The following MTUS1 variants were observed in gnomAD, a reference collection of about 807,000 sequenced individuals.
MTUS1 encodes the protein microtubule-associated tumor suppressor 1.
In MTUS1, 109 loss-of-function variants were observed where a neutral mutation model predicts 120.8. That is an observed-to-expected ratio of 0.90 (90% CI 0.77 to 1.06). The LOEUF is 1.06. MTUS1 is among the 50% of genes least tolerant of loss of function. The pLI, the probability that MTUS1 is intolerant of heterozygous loss-of-function variation, is 0.00. For synonymous variants in MTUS1, 737 were observed against 550.5 expected (o/e 1.34, Z -4.74); for missense variants, 2,210 against 1,486.3 (o/e 1.49, Z -8.01).
At chr8:17,722,200 T>C (rs991170152) in intron 4 of MTUS1, 193 of 1,033,858 alleles carry the variant, frequency 1.9e-4, no homozygotes, top group South Asian at 9.3e-4. Flanking sequence ...ACAGCCTCCT[T>C]AGGAGCATCA....
rs531142336 is a variant in MTUS1 at position 17,649,232 on chromosome 8, T to A, written c.3501+614A>T. Among the ~76,000 whole-genome samples the A allele has an allele frequency of 4.6e-5, 7 of 152,200 alleles. No individual in the cohort carries two copies. The East Asian group carries it at 1.4e-3, about 29-fold the overall frequency. ...CCACCACACCCGGCTAAGTTTTATA[T>A]TTTTAGTAGAGACAGGGTTTCACCA... On this transcript the variant is annotated intron_variant, in intron 13 of 14. Coordinates refer to ENST00000693296, the MANE Select transcript of MTUS1 (RefSeq NM_001363059.2).
At chr8:17,721,661 A>T in intron 4 of MTUS1, 1 of 1,514,102 alleles carries the variant, frequency 6.6e-7, no homozygotes, top group Non-Finnish European at 8.8e-7. Flanking sequence ...TTTATTGAAT[A>T]AAAATTTAAG....
chr8:17,703,894 T>A (rs965886421), intron 6 of MTUS1: 4 of 152,210 alleles, frequency 2.6e-5, no homozygotes, highest in Non-Finnish European at 5.9e-5. Flanking sequence ...TTTTTCCCTT[T>A]GAGGCATGTG....
intron 1 of MTUS1, among the ~76,000 whole-genome samples, chr8:17,767,358 T>C (rs2049603120): frequency 6.6e-6 from 1 of 151,752 alleles, no homozygotes; most frequent in Non-Finnish European, 1.5e-5. Flanking sequence ...TTTTTCCATG[T>C]GGTGATTAAA....
At chr8:17,749,294 C>T (rs2048006499) in intron 2 of MTUS1, among the ~76,000 whole-genome samples, 1 of 152,146 alleles carries the variant, frequency 6.6e-6, no homozygotes. Flanking sequence ...GTTTCCACAG[C>T]TCCTTATCTT....
chr8:17,697,422 A>T (rs764339516), intron 6 of MTUS1: 1 of 1,610,708 alleles, frequency 6.2e-7, no homozygotes, highest in Non-Finnish European at 8.5e-7. Context: ...GGCAATTTCC[A>T]TGGACTGTCA....
intron 1 of MTUS1, among the ~76,000 whole-genome samples, chr8:17,765,037 C>CA (rs1314794348): frequency 6.6e-6 from 1 of 152,178 alleles, no homozygotes; most frequent in Non-Finnish European, 1.5e-5. Flanking sequence ...TAGACAGTCC[C>CA]ATCTGGAAGT....
intron 1 of MTUS1, among the ~76,000 whole-genome samples, chr8:17,762,241 C>T (rs1396667694): frequency 3.3e-5 from 5 of 152,080 alleles, no homozygotes; most frequent in Admixed American, 2.0e-4. Context: ...ATCACACCAC[C>T]ACACTCCAGC....
intron 3 of MTUS1, among the ~76,000 whole-genome samples, chr8:17,740,793 G>T (rs1422416993): frequency 6.6e-6 from 1 of 152,156 alleles, no homozygotes; most frequent in African/African-American, 2.4e-5. Flanking sequence ...TTCCCAGCAA[G>T]GGCCCTCTTC....
intron 1 of MTUS1, among the ~76,000 whole-genome samples, chr8:17,793,183 C>T (rs1272032213): frequency 1.3e-5 from 2 of 152,196 alleles, no homozygotes; most frequent in African/African-American, 4.8e-5. Context: ...GAATCAATTA[C>T]GTACATGTAT....
chr8:17,754,399 G>T lies in MTUS1; in HGVS notation c.1409C>A (p.Ala470Glu), dbSNP rs370823098. Residue 470 changes from alanine (A) to glutamate (E), a missense_variant, in exon 2 of 15, where the codon GCA becomes GAA. Physicochemically the swap from Ala to Glu is moderately radical, Grantham distance 107. Coordinates refer to ENST00000693296, the MANE Select transcript of MTUS1 (RefSeq NM_001363059.2). ...GLKNIPDSKE[A>E]PVNLCKPSLG... ...ACTGGGTTTACACAGGTTCACAGGT[G>T]CCTCCTTCGAGTCTGGTATGTTTTT... 2 of 1,614,108 alleles carry T rather than the reference G, an allele frequency of 1.2e-6. No homozygotes were observed. The highest frequency in any genetic ancestry group is 1.7e-6 in the Non-Finnish European group (2 of 1,180,002).
chr8:17,749,675 A>AG (rs929894428), intron 2 of MTUS1, among the ~76,000 whole-genome samples: 1 of 150,632 alleles, frequency 6.6e-6, no homozygotes, highest in African/African-American at 2.4e-5. Flanking sequence ...AAAAAAAAAA[A>AG]AAAGAAAGAA....
At chr8:17,716,103 C>T (rs1822275640) in intron 4 of MTUS1, among the ~76,000 whole-genome samples, 1 of 152,142 alleles carries the variant, frequency 6.6e-6, no homozygotes, top group South Asian at 2.1e-4. Context: ...ATCAGAGTGA[C>T]CACACATCCT....
At chr8:17,760,853 T>A (rs1202626021) in intron 1 of MTUS1, among the ~76,000 whole-genome samples, 2 of 145,554 alleles carry the variant, frequency 1.4e-5, no homozygotes, top group African/African-American at 5.0e-5. Flanking sequence ...CCCAAAGGGA[T>A]AATTTCTCAA....
intron 13 of MTUS1, among the ~76,000 whole-genome samples, chr8:17,649,091 G>C (rs938464346): frequency 1.1e-5 from 1 of 93,522 alleles, no homozygotes; most frequent in Non-Finnish European, 2.4e-5. Context: ...TCTTATTATA[G>C]CACAATTTTT....
At chr8:17,770,739 A>C (rs2049962077) in intron 1 of MTUS1, among the ~76,000 whole-genome samples, 1 of 152,246 alleles carries the variant, frequency 6.6e-6, no homozygotes, top group African/African-American at 2.4e-5. Flanking sequence ...CCAATGAAAC[A>C]TCACAGACTT....
At chr8:17,750,846 G>T (rs1003748926) in intron 2 of MTUS1, among the ~76,000 whole-genome samples, 19 of 152,146 alleles carry the variant, frequency 1.2e-4, no homozygotes, top group Non-Finnish European at 5.9e-5. Context: ...AACCTCTGTT[G>T]TGAGGAGCTA....
In MTUS1 at chr8:17,742,451, C is replaced by T. The variant is rs1933915078; in HGVS notation, c.2287+1153G>A. ...TTTCATCTCACTCATGCCTTGACTC[C>T]CCAGGTGTGGCAATATCCCAAATAA... On this transcript the variant is annotated intron_variant, in intron 3 of 14. Transcript: ENST00000693296. Among the ~76,000 whole-genome samples the T allele has an allele frequency of 1.3e-5, 2 of 151,922 alleles. 1 individual carries two copies. The highest frequency in any genetic ancestry group is 4.1e-4 in the South Asian group (2 of 4,824).
intron 6 of MTUS1, among the ~76,000 whole-genome samples, chr8:17,690,941 T>C (rs892241718): frequency 2.0e-4 from 30 of 152,332 alleles, no homozygotes; most frequent in African/African-American, 6.7e-4. Flanking sequence ...CATATACTAT[T>C]AATAAAATAT....
Sources: allele counts gnomAD v4.1 joint callset (sites outside exome capture counted in the v4.1 genomes callset), GRCh38; gene constraint gnomAD v4.1.1; transcripts MANE v1.5; gene names NCBI Gene and HGNC (gene_info 2026-07-23, HGNC 2026-07-21).